The following CNTNAP2 variants were observed in gnomAD, a reference collection of about 807,000 sequenced individuals.
CNTNAP2 encodes contactin associated protein 2, also known as contactin-associated protein-like 2.
In CNTNAP2, 98 loss-of-function variants were observed where a neutral mutation model predicts 155.2. The ratio of observed to expected loss-of-function variants is 0.63; its 90% CI spans 0.54 to 0.75. The LOEUF is 0.75. Among genes scored for constraint, CNTNAP2 ranks in the 30% least tolerant of loss-of-function variants. CNTNAP2 has a pLI of 0.00. For missense variants in CNTNAP2, 1,727 were observed against 1,688.1 expected, an observed-to-expected ratio of 1.02 and a Z score of -0.40; for synonymous variants, 651 against 631.2, an observed-to-expected ratio of 1.03 and a Z score of -0.47.
intron 12 of CNTNAP2, among the ~76,000 whole-genome samples, chr7:147,593,410 GGAT>G (rs753968335): frequency 2.0e-5 from 3 of 151,428 alleles, no homozygotes; most frequent in Non-Finnish European, 4.4e-5. Context: ...GAAATGAATT[GGAT>G]GATAAGTGAC....
intron 12 of CNTNAP2, among the ~76,000 whole-genome samples, chr7:147,575,107 A>ATGTGTGTGTGTGTGTGTGTG (rs754922892): frequency 1.1e-5 from 1 of 94,066 alleles, no homozygotes; most frequent in African/African-American, 3.9e-5. Context: ...TTTGTGGGAA[A>ATGTGTGTGTGTGTGTGTGTG]TGTGTGTGTG....
chr7:146,227,554 ATT>A (rs1018192750), intron 1 of CNTNAP2, among the ~76,000 whole-genome samples: 7 of 152,062 alleles, frequency 4.6e-5, no homozygotes, highest in African/African-American at 1.7e-4. Context: ...CACTTTCCTA[ATT>A]TAGAAAATTC....
chr7:148,160,494 C>T (rs1805501292), intron 17 of CNTNAP2, among the ~76,000 whole-genome samples: 1 of 151,590 alleles, frequency 6.6e-6, no homozygotes, highest in Non-Finnish European at 1.5e-5. Context: ...CTGTTATAAC[C>T]TGGTATTTTT....
intron 1 of CNTNAP2, among the ~76,000 whole-genome samples, chr7:146,515,135 A>G (rs1289273539): frequency 6.6e-6 from 1 of 152,064 alleles, no homozygotes; most frequent in African/African-American, 2.4e-5. Flanking sequence ...CTGTAGAGAC[A>G]GCCTCTAAAT....
chr7:148,013,890 G>A (rs12540218), intron 15 of CNTNAP2, among the ~76,000 whole-genome samples: 6,042 of 152,206 alleles, frequency 0.04, 248 homozygotes, highest in East Asian at 0.24. Flanking sequence ...CTCTGAAATG[G>A]AGGACTGTGA....
intron 1 of CNTNAP2, among the ~76,000 whole-genome samples, chr7:146,665,165 T>G (rs925777611): frequency 2.6e-5 from 4 of 152,108 alleles, no homozygotes; most frequent in Non-Finnish European, 5.9e-5. Context: ...GCCAGGCTGG[T>G]CTTGAACTCC....
intron 8 of CNTNAP2, among the ~76,000 whole-genome samples, chr7:147,157,987 T>C (rs531197219): frequency 6.6e-6 from 1 of 152,200 alleles, no homozygotes; most frequent in Non-Finnish European, 1.5e-5. Context: ...AAATCAGCAA[T>C]AACAAAAACA....
chr7:146,374,720 C>A (rs1795282614), intron 1 of CNTNAP2, among the ~76,000 whole-genome samples: 1 of 152,118 alleles, frequency 6.6e-6, no homozygotes, highest in African/African-American at 2.4e-5. Flanking sequence ...AAACAAGAGG[C>A]ATCTTTTAAA....
chr7:147,156,097 G>A lies in CNTNAP2; in HGVS notation c.1348+23588G>A, dbSNP rs141116687. Among the ~76,000 whole-genome samples, 605 of 152,230 alleles carry A rather than the reference G, an allele frequency of 4.0e-3. 5 individuals are homozygous for A. Among genetic ancestry groups the A allele is most frequent in the African/African-American group, 0.014 (579 of 41,552 alleles). ...GTCTTCCTCCAGTACTTGTATCATA[G>A]AGTGTAATGCAGAGCCAGCTGGTAA... is the stretch of plus-strand genomic sequence containing the variant. On this transcript the variant is annotated intron_variant, in intron 8 of 23. Transcript: ENST00000361727.
chr7:146,134,960 T>G (rs1324902572), intron 1 of CNTNAP2, among the ~76,000 whole-genome samples: 1 of 151,818 alleles, frequency 6.6e-6, no homozygotes, highest in African/African-American at 2.4e-5. Flanking sequence ...CTTTTTCTAT[T>G]GATTGGAATA....
At chr7:147,193,926 A>G (rs1802730244) in intron 8 of CNTNAP2, among the ~76,000 whole-genome samples, 1 of 152,106 alleles carries the variant, frequency 6.6e-6, no homozygotes, top group Non-Finnish European at 1.5e-5. Flanking sequence ...ATTAGAAGGA[A>G]TGAATGCCAA....
At chr7:146,436,796 A>G (rs1307861880) in intron 1 of CNTNAP2, among the ~76,000 whole-genome samples, 1 of 151,664 alleles carries the variant, frequency 6.6e-6, no homozygotes, top group African/African-American at 2.4e-5. Flanking sequence ...TCTATGGAAC[A>G]TTAACTATAA....
intron 1 of CNTNAP2, among the ~76,000 whole-genome samples, chr7:146,185,581 C>T (rs1798611256): frequency 6.6e-6 from 1 of 152,154 alleles, no homozygotes; most frequent in South Asian, 2.1e-4. Flanking sequence ...TGCTGTGGCT[C>T]GGGCATCCTC....
chr7:146,603,419 A>C (rs1311504739), intron 1 of CNTNAP2, among the ~76,000 whole-genome samples: 1 of 150,846 alleles, frequency 6.6e-6, no homozygotes, highest in East Asian at 2.0e-4. Flanking sequence ...CTCAAAAAAA[A>C]AAAAGATACA....
At chr7:146,419,499 A>G (rs748550183) in intron 1 of CNTNAP2, among the ~76,000 whole-genome samples, 24 of 152,108 alleles carry the variant, frequency 1.6e-4, no homozygotes, top group Non-Finnish European at 3.2e-4. Flanking sequence ...TTTCATACCT[A>G]TGTGGATTGG....
chr7:146,745,454 TA>T (rs1305340555), intron 1 of CNTNAP2, among the ~76,000 whole-genome samples: 6 of 152,010 alleles, frequency 3.9e-5, no homozygotes, highest in Non-Finnish European at 8.8e-5. Context: ...AGACAAGATA[TA>T]AACAAAGGTA....
At chr7:147,071,151 C>G (rs1166445788) in intron 4 of CNTNAP2, among the ~76,000 whole-genome samples, 2 of 152,106 alleles carry the variant, frequency 1.3e-5, no homozygotes, top group African/African-American at 2.4e-5. Flanking sequence ...GACTGGTGCT[C>G]TAGGGCCTAT....
At chr7:146,938,262 G>A (rs866340001) in intron 3 of CNTNAP2, among the ~76,000 whole-genome samples, 5 of 151,966 alleles carry the variant, frequency 3.3e-5, no homozygotes, top group African/African-American at 7.2e-5. Context: ...TCCCCTTGGC[G>A]TAATAAATTA....
chr7:146,783,953 G>A (rs1407414069), intron 2 of CNTNAP2, among the ~76,000 whole-genome samples: 1 of 152,074 alleles, frequency 6.6e-6, no homozygotes, highest in Non-Finnish European at 1.5e-5. Flanking sequence ...GGCTTTCAAT[G>A]GGGTTTCTTT....
Sources: allele counts gnomAD v4.1 joint callset (sites outside exome capture counted in the v4.1 genomes callset), GRCh38; gene constraint gnomAD v4.1.1; transcripts MANE v1.5; gene names NCBI Gene and HGNC (gene_info 2026-07-23, HGNC 2026-07-21).